The following COL26A1 variants were observed in gnomAD, a reference collection of about 807,000 sequenced individuals.
COL26A1 encodes collagen type XXVI alpha 1 chain.
A neutral mutation model predicts 59.3 loss-of-function variants in COL26A1; 41 were observed. That is an observed-to-expected ratio of 0.69 (90% CI 0.54 to 0.90). COL26A1 has a LOEUF of 0.90. COL26A1 is among the 40% of genes least tolerant of loss of function. COL26A1 has a pLI of 0.00. For missense variants in COL26A1, 612 were observed against 602.3 expected (o/e 1.02, Z -0.17); for synonymous variants, 266 against 256.0 (o/e 1.04, Z -0.37).
chr7:101,497,903 G>C (rs935206135), intron 3 of COL26A1, among the ~76,000 whole-genome samples: 3 of 152,124 alleles, frequency 2.0e-5, no homozygotes, highest in East Asian at 3.8e-4. Context: ...AGGAGCACTT[G>C]AGCCCAGATG....
intron 3 of COL26A1, among the ~76,000 whole-genome samples, chr7:101,531,734 C>T (rs990078220): frequency 6.6e-6 from 1 of 152,082 alleles, no homozygotes; most frequent in Non-Finnish European, 1.5e-5. Flanking sequence ...CCCGTGGTTT[C>T]TCCCCAAACA....
intron 9 of COL26A1, among the ~76,000 whole-genome samples, chr7:101,550,352 T>C (rs1456529401): frequency 6.6e-6 from 1 of 152,086 alleles, no homozygotes; most frequent in Non-Finnish European, 1.5e-5. Flanking sequence ...TCCCAGCTAC[T>C]TGGGAGGCTG....
chr7:101,366,173 C>T (rs1791040954), intron 1 of COL26A1, among the ~76,000 whole-genome samples: 1 of 152,190 alleles, frequency 6.6e-6, no homozygotes, highest in South Asian at 2.1e-4. Context: ...TCTCTTTGCC[C>T]AGAAAGCCCA....
chr7:101,468,290 A>C (rs1026420050), intron 3 of COL26A1, among the ~76,000 whole-genome samples: 8 of 151,662 alleles, frequency 5.3e-5, no homozygotes, highest in Admixed American at 3.3e-4. Context: ...CAACAGAGCA[A>C]GACTCAGTCT....
chr7:101,490,619 C>T (rs1794436852), intron 3 of COL26A1, among the ~76,000 whole-genome samples: 2 of 151,576 alleles, frequency 1.3e-5, no homozygotes, highest in Admixed American at 6.6e-5. Context: ...AAGAATCACT[C>T]GAACCCAGGA....
At chr7:101,481,586 G>A (rs1794158529) in intron 3 of COL26A1, among the ~76,000 whole-genome samples, 1 of 151,800 alleles carries the variant, frequency 6.6e-6, no homozygotes, top group African/African-American at 2.4e-5. Context: ...AAGTAGCTGG[G>A]ACTACAGGAG....
At position 101,534,670 on chromosome 7, in the gene COL26A1, C is replaced by G. The variant is rs1271778276; in HGVS notation, c.447+1527C>G. On this transcript the variant is annotated intron_variant, in intron 4 of 12. Coordinates refer to ENST00000313669, the MANE Select transcript of COL26A1 (RefSeq NM_001278563.3). The stretch of plus-strand genomic sequence containing the variant: ...ACATACATATACACACACACACACA[C>G]ACACACATGACACAACTGTGCACAC... 2.0e-5 allele frequency among the ~76,000 whole-genome samples: 3 copies of G among 151,610 alleles called. 1 individual carries two copies. The highest frequency in any genetic ancestry group is 2.0e-4 in the Admixed American group (3 of 15,242).
intron 3 of COL26A1, among the ~76,000 whole-genome samples, chr7:101,460,651 C>T (rs151210540): frequency 0.027 from 4,068 of 151,978 alleles, 78 homozygotes; most frequent in South Asian, 0.05. Context: ...CATGGTGGCA[C>T]GCATCTGTAA....
chr7:101,426,504 G>A (rs538549159), intron 2 of COL26A1, among the ~76,000 whole-genome samples: 1 of 152,088 alleles, frequency 6.6e-6, no homozygotes, highest in African/African-American at 2.4e-5. Context: ...CAGGCATCAC[G>A]TCTCACACCA....
intron 3 of COL26A1, among the ~76,000 whole-genome samples, chr7:101,501,366 A>G (rs1392131019): frequency 6.6e-6 from 1 of 151,906 alleles, no homozygotes; most frequent in Non-Finnish European, 1.5e-5. Flanking sequence ...TCCAGCTCCC[A>G]TGGCCACTGT....
intron 1 of COL26A1, among the ~76,000 whole-genome samples, chr7:101,396,908 C>T (rs1791868388): frequency 6.6e-6 from 1 of 152,156 alleles, no homozygotes; most frequent in Non-Finnish European, 1.5e-5. Context: ...AGAACTGGGG[C>T]TCCACATCTT....
intron 11 of COL26A1, 104 bp downstream of exon 11, chr7:101,553,480 C>G: frequency 8.6e-7 from 1 of 1,159,588 alleles, no homozygotes; most frequent in Non-Finnish European, 1.2e-6. Context: ...CAGCCAGCCC[C>G]GAGCTGGGTG....
chr7:101,398,311 A>T (rs1398097441), intron 1 of COL26A1, among the ~76,000 whole-genome samples: 1 of 152,246 alleles, frequency 6.6e-6, no homozygotes, highest in African/African-American at 2.4e-5. Context: ...ATTAGGGGTC[A>T]CTTAGCCAAT....
chr7:101,539,294 A>ATGTG (rs769498284), intron 4 of COL26A1, among the ~76,000 whole-genome samples: 136 of 135,906 alleles, frequency 1.0e-3, no homozygotes, highest in East Asian at 7.3e-3. Context: ...GTGTGTGTGT[A>ATGTG]TGTGTGTGTG....
At chr7:101,485,607 G>A (rs1794251174) in intron 3 of COL26A1, among the ~76,000 whole-genome samples, 1 of 152,124 alleles carries the variant, frequency 6.6e-6, no homozygotes, top group Admixed American at 6.5e-5. Context: ...CCTGCCTATG[G>A]CTGCCTTTGT....
intron 3 of COL26A1, among the ~76,000 whole-genome samples, chr7:101,512,597 G>A (rs1794949930): frequency 6.6e-6 from 1 of 152,168 alleles, no homozygotes; most frequent in South Asian, 2.1e-4. Flanking sequence ...ACTCCAGCCT[G>A]GGCAATAGAG....
At chr7:101,425,765 C>T (rs1305129094) in intron 2 of COL26A1, among the ~76,000 whole-genome samples, 1 of 151,604 alleles carries the variant, frequency 6.6e-6, no homozygotes, top group Non-Finnish European at 1.5e-5. Flanking sequence ...CCTCGGCCTC[C>T]CAAAGTGCTG....
intron 5 of COL26A1, among the ~76,000 whole-genome samples, chr7:101,541,584 T>C (rs1795618677): frequency 6.6e-6 from 1 of 151,522 alleles, no homozygotes; most frequent in African/African-American, 2.4e-5. Context: ...CTCCTGGCCT[T>C]AAGCAATCCT....
At chr7:101,523,641 C>T (rs1268866077) in intron 3 of COL26A1, among the ~76,000 whole-genome samples, 1 of 152,034 alleles carries the variant, frequency 6.6e-6, no homozygotes, top group Non-Finnish European at 1.5e-5. Flanking sequence ...TATGTCTATC[C>T]TTTGTCTTCT....
Sources: gnomAD v4.1 joint callset for allele counts (sites outside exome capture counted in the v4.1 genomes callset) on GRCh38, gnomAD v4.1.1 for gene constraint, MANE v1.5 for transcripts, NCBI Gene and HGNC (gene_info 2026-07-23, HGNC 2026-07-21) for gene names.